Variants in ARHGEF16 observed in about 807,000 individuals in gnomAD.
ARHGEF16 encodes the protein Rho guanine exchange factor (GEF) 16.
ARHGEF16 carries 59 observed loss-of-function variants against 74.1 expected under a neutral mutation model. That is an observed-to-expected ratio of 0.80 (90% CI 0.65 to 0.99). The LOEUF is 0.99. ARHGEF16 is among the 50% of genes least tolerant of loss of function. The probability of loss-of-function intolerance (pLI) is 0.00; values close to 1 mark genes in which losing one functional copy is unlikely to be tolerated. For missense variants in ARHGEF16, 948 were observed against 986.6 expected (o/e 0.96, Z 0.52); for synonymous variants, 415 against 412.6 (o/e 1.01, Z -0.07).
At chr1:3,471,545 G>T (rs1352231309) in intron 6 of ARHGEF16, 2 of 811,878 alleles carry the variant, frequency 2.5e-6, no homozygotes, top group Middle Eastern at 6.1e-4. Context: ...GGCTGGGGGA[G>T]GGGGAGGGGT....
intron 1 of ARHGEF16, among the ~76,000 whole-genome samples, chr1:3,462,607 A>G (rs1454164426): frequency 6.6e-6 from 1 of 152,214 alleles, no homozygotes; most frequent in Non-Finnish European, 1.5e-5. Context: ...AAGTGGTTCC[A>G]GGAGGCTGCA....
Position 3,463,480 on chromosome 1 carries a change from G to A in ARHGEF16, c.396G>A (p.Leu132=), listed in dbSNP as rs754011115. ...TCCTCCCAGCCCCCAGCTTCTCCCTGGATGACATGGACGTGGACAAGGACC... is the reference window on the plus strand; with the variant it reads ...TCCTCCCAGCCCCCAGCTTCTCCCTAGATGACATGGACGTGGACAAGGACC... ...PKLLPAPSFS[L]DDMDVDKDPG... The change falls in exon 2 of 15, where the codon CTG becomes CTA. Residue 132 remains leucine, a synonymous_variant. Coordinates refer to ENST00000378378, the MANE Select transcript of ARHGEF16 (RefSeq NM_014448.4). 1 of 1,524,944 alleles carries A rather than the reference G, an allele frequency of 6.6e-7. No individual in the cohort carries two copies. The highest frequency in any genetic ancestry group is 1.2e-5 in the South Asian group (1 of 81,026). 94.5% of individuals were successfully genotyped at this position (1,524,944 alleles called of 1,614,324 possible).
intron 4 of ARHGEF16, chr1:3,468,528 T>C: frequency 3.0e-6 from 1 of 332,434 alleles, no homozygotes; most frequent in East Asian, 7.0e-5. Flanking sequence ...CCCTCCACAC[T>C]CCCTCCCTGG....
chr1:3,478,471 AGGTG>A lies in ARHGEF16; in HGVS notation c.1675_1678del (p.Val559ArgfsTer3). The A allele has an allele frequency of 6.2e-7, 1 of 1,612,364 alleles. No individual in the cohort carries two copies. Among genetic ancestry groups the A allele is most frequent in the Non-Finnish European group, 8.5e-7 (1 of 1,179,708 alleles). ...GACTACGCCCAGATGAACCACATCC[AGGTG>A]GAGAAGATAGAGCCGTCTGAGCTCC... On this transcript the variant is annotated frameshift_variant, in exon 12 of 15. Coordinates refer to ENST00000378378, the MANE Select transcript of ARHGEF16 (RefSeq NM_014448.4). LOFTEE classifies it high-confidence loss of function.
rs776974677 is a variant in ARHGEF16, at chr1:3,479,838, G to C, written c.1915G>C (p.Ala639Pro). The C allele has an allele frequency of 6.2e-7, 1 of 1,612,096 alleles. No individual in the cohort carries two copies. The highest frequency in any genetic ancestry group is 1.7e-5 in the Admixed American group (1 of 60,000). ...CCTGCCCCAGGTGGAGATCACCAAG[G>C]CCTTCTTCGCGAAGCAAGCAGACGA... ...GDLPQVEITKAFFAKQADEVT... is the reference protein window; with the variant it reads ...GDLPQVEITKPFFAKQADEVT... Residue 639 changes from alanine to proline, a missense_variant, in exon 14 of 15, where the codon GCC (alanine) becomes CCC (proline). Ala to Pro is a conservative substitution (Grantham distance 27, BLOSUM62 -1). Coordinates refer to ENST00000378378, the MANE Select transcript of ARHGEF16 (RefSeq NM_014448.4).
In ARHGEF16 at chr1:3,473,439, C is replaced by T. The variant is rs200517853; in HGVS notation, c.1222C>T (p.Arg408Trp). 130 of 1,612,374 alleles carry T rather than the reference C, an allele frequency of 8.1e-5. 1 individual carries two copies. The East Asian group carries it at 2.4e-3, about 30-fold the overall frequency. ...FREALREIER[R>W]PACGGLPMLS... ...AGAGGCCCTGAGAGAGATTGAGAGG[C>T]GGCCGGCGTGCGGGGGCCTGCCCAT... Residue 408 changes from arginine (R) to tryptophan (W), a missense_variant, in exon 8 of 15, where the codon CGG becomes TGG. By Grantham distance (101) the Arg-to-Trp change is moderately radical (BLOSUM62 -3). Coordinates refer to ENST00000378378, the MANE Select transcript of ARHGEF16 (RefSeq NM_014448.4).
At position 3,480,396 on chromosome 1, in the gene ARHGEF16, G is replaced by T. The variant is rs74050532; in HGVS notation, c.1991-52G>T. 7,227 of 1,603,566 alleles carry T rather than the reference G, an allele frequency of 4.5e-3. 275 individuals are homozygous for T. The African/African-American group carries it at 0.083, about 18-fold the overall frequency. On this transcript the variant is annotated intron_variant, in intron 14 of 14. Coordinates refer to ENST00000378378, the MANE Select transcript of ARHGEF16 (RefSeq NM_014448.4). ...TCAGGCATAGCAGCTCAGAGGGGCC[G>T]GGGGACCCACGGCCTTCCCCTCACC...
At chr1:3,466,250 T>TG in intron 3 of ARHGEF16, 57 bp downstream of exon 3, 2 of 1,489,526 alleles carry the variant, frequency 1.3e-6, no homozygotes, top group Non-Finnish European at 1.8e-6. Flanking sequence ...CTGGTCTCAC[T>TG]GGGGCACCCT....
rs948482593 is a variant in ARHGEF16 at position 3,463,260 on chromosome 1, A to G, written c.176A>G (p.Gln59Arg). Residue 59 changes from glutamine to arginine, a missense_variant, in exon 2 of 15, where the codon CAG (glutamine) becomes CGG (arginine). Gln to Arg is a conservative substitution (Grantham distance 43). Transcript: ENST00000378378. ...CAGCCCCAGGTCCCGGCACCCCCAC[A>G]GCCTCGGCCCCCGGGGCACGAGGAG... ...AFQPQVPAPPQPRPPGHEEPW... is the reference protein window; with the variant it reads ...AFQPQVPAPPRPRPPGHEEPW... 1.9e-6 allele frequency: 3 copies of G among 1,549,200 alleles called. No homozygotes were observed. The South Asian group carries it at 3.6e-5, about 18-fold the overall frequency.
At chr1:3,461,835 G>A (rs1639403822) in intron 1 of ARHGEF16, among the ~76,000 whole-genome samples, 1 of 152,200 alleles carries the variant, frequency 6.6e-6, no homozygotes, top group African/African-American at 2.4e-5. Context: ...AGTCATGGCA[G>A]CCAGGGAAGA....
chr1:3,456,050 G>T (rs1227696150), intron 1 of ARHGEF16, among the ~76,000 whole-genome samples: 1 of 152,166 alleles, frequency 6.6e-6, no homozygotes, highest in Non-Finnish European at 1.5e-5. Flanking sequence ...GGGGCTTCCT[G>T]GAAGAAGTAA....
At chr1:3,459,812 A>T (rs1347598944) in intron 1 of ARHGEF16, among the ~76,000 whole-genome samples, 1 of 152,132 alleles carries the variant, frequency 6.6e-6, no homozygotes, top group African/African-American at 2.4e-5. Flanking sequence ...CTGCCGGCAC[A>T]GGCATCGTGT....
intron 6 of ARHGEF16, 94 bp downstream of exon 6, chr1:3,469,687 G>A (rs921625093): frequency 5.3e-6 from 8 of 1,503,512 alleles, no homozygotes; most frequent in Non-Finnish European, 6.3e-6. Context: ...GCCCCTGGGA[G>A]CCTGCGCTGC....
At chr1:3,477,485 C>CCAA (rs1639918098) in intron 10 of ARHGEF16, among the ~76,000 whole-genome samples, 1 of 149,618 alleles carries the variant, frequency 6.7e-6, no homozygotes, top group African/African-American at 2.5e-5. Flanking sequence ...CCTGCCCCTG[C>CCAA]CAACCCTCCC....
rs150163114 is a variant in ARHGEF16, at chr1:3,461,051, G to A, written c.-19-2015G>A. 8.5e-3 allele frequency among the ~76,000 whole-genome samples: 1,290 copies of A among 152,288 alleles called. 22 individuals carry two copies. The highest frequency in any genetic ancestry group is 0.029 in the African/African-American group (1,217 of 41,568). The stretch of plus-strand genomic sequence containing the variant: ...CTGCAGGAAGTGACTTTGGGCGAGT[G>A]ACTCAGCCTTGTTTTCCCATCAGAA... On this transcript the variant is annotated intron_variant, in intron 1 of 14. Transcript: ENST00000378378.
At chr1:3,454,940 G>A (rs1003525501) in intron 1 of ARHGEF16, 129 bp downstream of exon 1, 2 of 152,130 alleles carry the variant, frequency 1.3e-5, no homozygotes, top group African/African-American at 2.4e-5. Flanking sequence ...TTTCCCGCAA[G>A]CCCCGCCCCG....
At chr1:3,479,401 C>G in intron 12 of ARHGEF16, 116 bp from the exon 13 acceptor site, 2 of 1,069,040 alleles carry the variant, frequency 1.9e-6, no homozygotes, top group Non-Finnish European at 2.6e-6. Context: ...CTCCTGCCCA[C>G]CCCCACCACC....
intron 6 of ARHGEF16, among the ~76,000 whole-genome samples, chr1:3,470,570 G>A (rs1254917143): frequency 6.8e-6 from 1 of 147,056 alleles, no homozygotes; most frequent in African/African-American, 2.5e-5. Context: ...AGTGGGTAGG[G>A]GTGTGTGTGA....
chr1:3,455,467 G>C (rs905704905), intron 1 of ARHGEF16, among the ~76,000 whole-genome samples: 3 of 152,078 alleles, frequency 2.0e-5, no homozygotes, highest in African/African-American at 4.8e-5. Context: ...AGGGAGCCGT[G>C]GCCGCTTGTC....
Sources: allele counts gnomAD v4.1 joint callset (sites outside exome capture counted in the v4.1 genomes callset), GRCh38; gene constraint gnomAD v4.1.1; transcripts MANE v1.5; gene names NCBI Gene and HGNC (gene_info 2026-07-23, HGNC 2026-07-21).